AGMO: variants seen among roughly 807,000 people sequenced by gnomAD.
AGMO encodes the protein glyceryl-ether monooxygenase.
Under a neutral mutation model 60.2 loss-of-function variants are expected in AGMO, and 75 were observed. The ratio of observed to expected loss-of-function variants is 1.25; its 90% CI spans 1.03 to 1.51. The LOEUF is 1.51. Among genes scored for constraint, AGMO ranks in the 40% most tolerant of loss-of-function variants. The pLI is 0.00. For synonymous variants in AGMO, 261 were observed against 177.1 expected (o/e 1.47, Z -3.76); for missense variants, 763 against 525.5 (o/e 1.45, Z -4.42).
chr7:15,392,181 T>C (rs1020327362), intron 6 of AGMO, among the ~76,000 whole-genome samples: 1 of 152,092 alleles, frequency 6.6e-6, no homozygotes, highest in East Asian at 1.9e-4. Context: ...GCCATTCTCC[T>C]GCCTCAGCCT....
At chr7:15,355,288 G>T (rs990417964) in intron 12 of AGMO, among the ~76,000 whole-genome samples, 2 of 151,992 alleles carry the variant, frequency 1.3e-5, no homozygotes, top group African/African-American at 4.8e-5. Context: ...GGATCACAAG[G>T]TCAGGAGATC....
chr7:15,355,320 G>A (rs1176521542), intron 12 of AGMO, among the ~76,000 whole-genome samples: 1 of 151,944 alleles, frequency 6.6e-6, no homozygotes, highest in Non-Finnish European at 1.5e-5. Context: ...GGCTAACACG[G>A]TGAAACGCTG....
chr7:15,359,012 G>C (rs147486552), intron 12 of AGMO, among the ~76,000 whole-genome samples: 1 of 152,240 alleles, frequency 6.6e-6, no homozygotes, highest in East Asian at 1.9e-4. Flanking sequence ...CAGATATGGA[G>C]TTTTATAAAT....
At chr7:15,118,877 T>A in the AGMO span, among the ~76,000 whole-genome samples, 1 of 11,728 alleles carries the variant, frequency 8.5e-5, no homozygotes, top group East Asian at 1.1e-3. Context: ...GACGTCAGTA[T>A]TTTTTTTTTT....
At chr7:15,394,706 A>T (rs1784299637) in intron 5 of AGMO, among the ~76,000 whole-genome samples, 2 of 152,130 alleles carry the variant, frequency 1.3e-5, no homozygotes, top group South Asian at 4.1e-4. Flanking sequence ...TGTTTCCCGG[A>T]GTTGTTTCAC....
the AGMO span, among the ~76,000 whole-genome samples, chr7:15,184,404 A>G: frequency 9.0e-5 from 2 of 22,160 alleles, no homozygotes; most frequent in African/African-American, 3.1e-4. Context: ...AGGGAGGAAG[A>G]AAGGGAAGGA....
chr7:15,269,306 G>C (rs1320376732), intron 12 of AGMO, among the ~76,000 whole-genome samples: 1 of 152,092 alleles, frequency 6.6e-6, no homozygotes, highest in Non-Finnish European at 1.5e-5. Context: ...TGAGAGAAGT[G>C]CAAGAAGATT....
intron 3 of AGMO, among the ~76,000 whole-genome samples, chr7:15,462,890 G>C (rs1782182367): frequency 6.6e-6 from 1 of 152,066 alleles, no homozygotes; most frequent in Non-Finnish European, 1.5e-5. Flanking sequence ...AACTCAATGA[G>C]TCAAATTTCC....
At chr7:15,185,406 T>C in the AGMO span, among the ~76,000 whole-genome samples, 11 of 152,000 alleles carry the variant, frequency 7.2e-5, no homozygotes, top group Non-Finnish European at 1.2e-4. Context: ...AAATACTTGT[T>C]GAAAAAACTA....
rs71004386 is a variant in AGMO, at chr7:15,493,362, C to CACACACACACCCAT, written c.409+51409_409+51410insATGGGTGTGTGTGT. On this transcript the variant is annotated intron_variant, in intron 3 of 12. Transcript: ENST00000342526. ...ACACACACACACACACACACACACA[C>CACACACACACCCAT]TTCTTTTTTTTTTTTTTTTTTTTTT... Among the ~76,000 whole-genome samples the CACACACACACCCAT allele has an allele frequency of 2.0e-5, 2 of 102,264 alleles. 1 individual carries two copies. The highest frequency in any genetic ancestry group is 8.0e-5 in the African/African-American group (2 of 24,926). The allele number at this position is 102,264 out of a possible 152,430, so 67.1% of individuals were successfully genotyped here. A position where few individuals can be genotyped will look rare whatever the true frequency, so the allele number is the denominator to read the frequency against.
chr7:15,432,355 T>TATAC (rs1562504416), intron 3 of AGMO, among the ~76,000 whole-genome samples: 2 of 104,442 alleles, frequency 1.9e-5, no homozygotes, highest in African/African-American at 6.7e-5. Flanking sequence ...TACATACATA[T>TATAC]ATATATACAC....
chr7:15,378,792 T>C (rs1012475967), intron 10 of AGMO, among the ~76,000 whole-genome samples: 1 of 151,236 alleles, frequency 6.6e-6, no homozygotes, highest in African/African-American at 2.4e-5. Context: ...ACAAAGACAT[T>C]AAAATCCAAC....
At chr7:15,509,821 A>G (rs963714949) in intron 3 of AGMO, among the ~76,000 whole-genome samples, 1 of 152,058 alleles carries the variant, frequency 6.6e-6, no homozygotes, top group Non-Finnish European at 1.5e-5. Flanking sequence ...GGTGCTCAAC[A>G]TTACTAATCA....
rs186452498 is a variant in AGMO at position 15,397,634 on chromosome 7, C to T, written c.610-3455G>A. Among the ~76,000 whole-genome samples the T allele has an allele frequency of 5.9e-5, 9 of 152,300 alleles. No homozygotes were observed. In the East Asian group the frequency reaches 1.2e-3, roughly 20 times the overall value. ...TTTCTCCCCACCTCTCCCTCTCTTT[C>T]TCTTTCTTTTTTCTAATCTGGGGTG... On this transcript the variant is annotated intron_variant, in intron 5 of 12. Coordinates refer to ENST00000342526, the MANE Select transcript of AGMO (RefSeq NM_001004320.2).
the AGMO span, among the ~76,000 whole-genome samples, chr7:15,191,340 T>C: frequency 6.6e-6 from 1 of 152,110 alleles, no homozygotes; most frequent in East Asian, 1.9e-4. Flanking sequence ...GATTCTTATA[T>C]TTTAGGTTGC....
chr7:15,530,800 C>G (rs62440693), intron 3 of AGMO, among the ~76,000 whole-genome samples: 1 of 122,588 alleles, frequency 8.2e-6, no homozygotes, highest in Non-Finnish European at 1.6e-5. Context: ...ATACATTTCT[C>G]TATATATTCT....
intron 3 of AGMO, among the ~76,000 whole-genome samples, chr7:15,447,785 T>C (rs1414616913): frequency 6.6e-6 from 1 of 151,958 alleles, no homozygotes; most frequent in Non-Finnish European, 1.5e-5. Flanking sequence ...ACTCCTAACC[T>C]CAAGTGATCC....
intron 3 of AGMO, among the ~76,000 whole-genome samples, chr7:15,455,972 AT>A (rs775170855): frequency 2.0e-5 from 3 of 151,984 alleles, no homozygotes; most frequent in East Asian, 1.9e-4. Flanking sequence ...TTCTTAATGC[AT>A]TTTTTTATGA....
rs138363479 is a variant in AGMO at position 15,464,193 on chromosome 7, A to G, written c.410-33085T>C. Among the ~76,000 whole-genome samples, 1,019 of 152,318 alleles carry G rather than the reference A, an allele frequency of 6.7e-3. 4 individuals carry two copies. The highest frequency in any genetic ancestry group is 0.011 in the Non-Finnish European group (738 of 68,024). ...CACCCATTAGAGTTCTTGTTTCTGC[A>G]GTGCTGTGGCTGAACTGGAGTGGGA... On this transcript the variant is annotated intron_variant, in intron 3 of 12. Coordinates refer to ENST00000342526, the MANE Select transcript of AGMO (RefSeq NM_001004320.2).
Sources: allele counts gnomAD v4.1 joint callset (sites outside exome capture counted in the v4.1 genomes callset), GRCh38; gene constraint gnomAD v4.1.1; transcripts MANE v1.5; gene names NCBI Gene and HGNC (gene_info 2026-07-23, HGNC 2026-07-21).